Variants in WDR26 observed in about 807,000 individuals in gnomAD.
The protein encoded by WDR26 is WD repeat domain 26, also known as WD repeat-containing protein 26.
In WDR26, 5 loss-of-function variants were observed where a neutral mutation model predicts 84.1. The ratio of observed to expected loss-of-function variants is 0.06; its 90% confidence interval spans 0.03 to 0.13. The LOEUF is 0.13. Among genes scored for constraint, WDR26 ranks in the 10% least tolerant of loss-of-function variants. WDR26 has a pLI of 1.00. For missense variants in WDR26, 642 were observed against 974.9 expected, an observed-to-expected ratio of 0.66 and a Z score of 4.55; for synonymous variants, 415 against 389.6, an observed-to-expected ratio of 1.07 and a Z score of -0.77.
intron 6 of WDR26, among the ~76,000 whole-genome samples, chr1:224,417,932 C>T (rs1673954286): frequency 6.6e-6 from 1 of 152,120 alleles, no homozygotes; most frequent in Non-Finnish European, 1.5e-5. Flanking sequence ...AAAAGCAGAA[C>T]TTTCATTAAG....
In WDR26 at chr1:224,421,301, C is replaced by T. The variant is rs535008221; in HGVS notation, c.1065-1686G>A. On this transcript the variant is annotated intron_variant, in intron 4 of 13. Transcript: ENST00000414423. ...TTCCGATGACAAAGAAATCAGATACCGCATTAAAAAGGTAATCAGCACGCC... is the reference window on the plus strand; with the variant it reads ...TTCCGATGACAAAGAAATCAGATACTGCATTAAAAAGGTAATCAGCACGCC... 2.0e-5 allele frequency among the ~76,000 whole-genome samples: 3 copies of T among 152,182 alleles called. No individual in the cohort carries two copies. In the South Asian group the frequency reaches 6.2e-4, roughly 32 times the overall value.
At chr1:224,391,384 C>A (rs10799571) in intron 13 of WDR26, among the ~76,000 whole-genome samples, 29,756 of 123,932 alleles carry the variant, frequency 0.24, 5,320 homozygotes, top group African/African-American at 0.28. Context: ...AAAAAAAAAA[C>A]AAAAAAAAAA....
chr1:224,415,397 C>T lies in WDR26; in HGVS notation c.1319+2863G>A, dbSNP rs958626636. Among the ~76,000 whole-genome samples, 3 of 151,040 alleles carry T rather than the reference C, an allele frequency of 2.0e-5. 1 individual carries two copies. In the South Asian group the frequency reaches 6.3e-4, roughly 32 times the overall value. On this transcript the variant is annotated intron_variant, in intron 6 of 13. Coordinates refer to ENST00000414423, the MANE Select transcript of WDR26 (RefSeq NM_001379403.1). ...GCCTGTATCTAGTTGTCATTAGAAC[C>T]ATGGAAGTATAACTAAGGATGAGGG...
At chr1:224,423,283 G>A (rs1293408675) in intron 4 of WDR26, among the ~76,000 whole-genome samples, 3 of 152,136 alleles carry the variant, frequency 2.0e-5, no homozygotes, top group African/African-American at 7.2e-5. Flanking sequence ...ATGTTGAACA[G>A]ACGTAGCAAG....
intron 11 of WDR26, 137 bp downstream of exon 11, chr1:224,398,378 C>A: frequency 8.0e-7 from 1 of 1,248,084 alleles, no homozygotes; most frequent in Non-Finnish European, 1.1e-6. Context: ...TGATTATACA[C>A]ATTTAAGGAT....
intron 8 of WDR26, among the ~76,000 whole-genome samples, chr1:224,401,671 C>CAAAAAAAAAAAAAAAAAAAAAAA (rs767368281): frequency 1.4e-4 from 7 of 49,640 alleles, no homozygotes; most frequent in African/African-American, 6.0e-4. Flanking sequence ...GAGACTGTCT[C>CAAAAAAAAAAAAAAAAAAAAAAA]AAAAAAAAAA....
Position 224,392,254 on chromosome 1 carries a change from G to C in WDR26, c.2260+1574C>G, listed in dbSNP as rs913181598. 3.9e-5 allele frequency among the ~76,000 whole-genome samples: 6 copies of C among 151,910 alleles called. No individual in the cohort carries two copies. In the South Asian group the frequency reaches 1.2e-3, roughly 32 times the overall value. ...TGGGTGCCTGTAGTCCCAGCTACTC[G>C]GGAGGCTGAGGCAGGAGAATGGCGT... On this transcript the variant is annotated intron_variant, in intron 13 of 13. Coordinates refer to ENST00000414423, the MANE Select transcript of WDR26 (RefSeq NM_001379403.1).
intron 6 of WDR26, among the ~76,000 whole-genome samples, chr1:224,415,686 C>G (rs1032652080): frequency 6.6e-6 from 1 of 152,068 alleles, no homozygotes; most frequent in Non-Finnish European, 1.5e-5. Context: ...TGGTCTTGAT[C>G]TCCCGACCTC....
intron 7 of WDR26, among the ~76,000 whole-genome samples, chr1:224,410,383 T>A (rs1334940301): frequency 2.0e-5 from 3 of 151,510 alleles, no homozygotes; most frequent in African/African-American, 7.3e-5. Flanking sequence ...CTATCCGGAG[T>A]CATGTGCTCC....
intron 8 of WDR26, among the ~76,000 whole-genome samples, chr1:224,403,345 C>T (rs1012186450): frequency 6.6e-6 from 1 of 152,098 alleles, no homozygotes. Flanking sequence ...CCACCGCGCC[C>T]GGCCACAAAT....
At chr1:224,401,497 C>G (rs578142970) in intron 8 of WDR26, among the ~76,000 whole-genome samples, 2 of 151,478 alleles carry the variant, frequency 1.3e-5, no homozygotes, top group African/African-American at 4.8e-5. Context: ...AGCAATTCCT[C>G]AAGAACATGA....
chr1:224,427,133 A>C (rs1572213213), intron 3 of WDR26, among the ~76,000 whole-genome samples: 1 of 148,402 alleles, frequency 6.7e-6, no homozygotes, highest in Non-Finnish European at 1.5e-5. Flanking sequence ...AAAAAGTTTC[A>C]TTCCATTTTG....
intron 8 of WDR26, among the ~76,000 whole-genome samples, chr1:224,402,685 A>C (rs73125533): frequency 0.076 from 11,537 of 152,260 alleles, 1,408 homozygotes; most frequent in African/African-American, 0.26. Flanking sequence ...AGGTGGAAAG[A>C]AAGCTTTAAT....
chr1:224,406,405 G>A (rs1673569164), intron 7 of WDR26, among the ~76,000 whole-genome samples: 1 of 152,018 alleles, frequency 6.6e-6, no homozygotes, highest in Admixed American at 6.6e-5. Context: ...GGGATGGGGG[G>A]GAAATTCCAA....
chr1:224,389,234 G>T lies in WDR26; in HGVS notation c.*601C>A, dbSNP rs987083277. 6.4e-6 allele frequency: 1 copy of T among 156,948 alleles called. No homozygotes were observed. Among genetic ancestry groups the T allele is most frequent in the East Asian group, 1.9e-4 (1 of 5,306 alleles). 9.7% of individuals were successfully genotyped at this position (156,948 alleles called of 1,614,324 possible). ...AAAAGTACAAAACTTTTTGTCAAAT[G>T]TAATATTGAGAGTGCTTTTGACATA... On this transcript the variant is annotated 3_prime_UTR_variant, in exon 14 of 14. Coordinates refer to ENST00000414423, the MANE Select transcript of WDR26 (RefSeq NM_001379403.1).
In WDR26 at chr1:224,386,922, C is replaced by CAA. The variant is rs1673003888; in HGVS notation, c.*2911_*2912dup. The CAA allele has an allele frequency of 6.6e-6, 1 of 152,312 alleles. No homozygotes were observed. Among genetic ancestry groups the CAA allele is most frequent in the Non-Finnish European group, 1.5e-5 (1 of 68,022 alleles). 9.4% of individuals were successfully genotyped at this position (152,312 alleles called of 1,614,324 possible). A position where few individuals can be genotyped will look rare whatever the true frequency, so the allele number is the denominator to read the frequency against. ...CATCCCTCCCCACTAACTCCCACTC[C>CAA]AATTCTTTACTACCCACATACTAAT... On this transcript the variant is annotated 3_prime_UTR_variant, in exon 14 of 14. Transcript: ENST00000414423.
At position 224,394,009 on chromosome 1, in the gene WDR26, G is replaced by C. The variant is rs1673192868; in HGVS notation, c.2079C>G (p.His693Gln). Residue 693 changes from histidine to glutamine, a missense_variant, in exon 13 of 14, where the codon CAC (histidine) becomes CAG (glutamine). His to Gln is a conservative substitution (Grantham distance 24, BLOSUM62 0). Coordinates refer to ENST00000414423, the MANE Select transcript of WDR26 (RefSeq NM_001379403.1). ...TACGTTTGTGCCAGATGTAAACCTT[G>C]TGATCTGAACATATAGTAATTCAGA... 1.3e-6 allele frequency: 2 copies of C among 1,506,448 alleles called. No homozygotes were observed. Among genetic ancestry groups the C allele is most frequent in the East Asian group, 2.3e-5 (1 of 43,278 alleles). The allele number at this position is 1,506,448 out of a possible 1,614,324, so 93.3% of individuals were successfully genotyped here.
At chr1:224,416,615 T>G (rs995735692) in intron 6 of WDR26, among the ~76,000 whole-genome samples, 2 of 152,238 alleles carry the variant, frequency 1.3e-5, no homozygotes, top group African/African-American at 4.8e-5. Context: ...ATCACTTAGT[T>G]TCATAGGTAC....
Position 224,420,931 on chromosome 1 carries a change from A to G in WDR26, c.1065-1316T>C, listed in dbSNP as rs557384662. ...GCCATTGTGAATATTTTGTTTCTAA[A>G]ACAACTTTTTTTGGGCAAAGTTTAT... is the stretch of plus-strand genomic sequence containing the variant. On this transcript the variant is annotated intron_variant, in intron 4 of 13. Coordinates refer to ENST00000414423, the MANE Select transcript of WDR26 (RefSeq NM_001379403.1). Among the ~76,000 whole-genome samples the G allele has an allele frequency of 2.0e-5, 3 of 152,338 alleles. No homozygotes were observed. In the South Asian group the frequency reaches 6.2e-4, roughly 32 times the overall value.
Sources: allele counts gnomAD v4.1 joint callset (sites outside exome capture counted in the v4.1 genomes callset), GRCh38; gene constraint gnomAD v4.1.1; transcripts MANE v1.5; gene names NCBI Gene and HGNC (gene_info 2026-07-23, HGNC 2026-07-21).